Variants in FLT1 observed in about 807,000 individuals in gnomAD.
FLT1 encodes vascular endothelial growth factor receptor 1.
FLT1 carries 49 observed loss-of-function variants against 156.3 expected under a neutral mutation model. The ratio of observed to expected loss-of-function variants is 0.31; its 90% confidence interval spans 0.25 to 0.40. The LOEUF (loss-of-function observed/expected upper bound fraction) is 0.40, where lower values mean the gene tolerates loss of function less well. Among genes scored for constraint, FLT1 ranks in the 10% least tolerant of loss-of-function variants. The pLI is 1.00. For missense variants in FLT1, 1,322 were observed against 1,637.2 expected (o/e 0.81, Z 3.32); for synonymous variants, 594 against 583.8 (o/e 1.02, Z -0.25).
chr13:28,309,550 A>G (rs1429206528), intron 27 of FLT1, among the ~76,000 whole-genome samples: 1 of 152,146 alleles, frequency 6.6e-6, no homozygotes, highest in East Asian at 1.9e-4. Flanking sequence ...TGAATTTCTC[A>G]GTCCCATACT....
rs368770731 is a variant in FLT1 at position 28,345,478 on chromosome 13, G to A, written c.2322C>T (p.Leu774=). 10 of 1,612,528 alleles carry A rather than the reference G, an allele frequency of 6.2e-6. No homozygotes were observed. In the African/African-American group the frequency reaches 6.7e-5, roughly 11 times the overall value. ...CTCVAATLFW[L]LLTLFIRKMK... is the part of the protein sequence containing the mutation. ...TTTTTCGGATAAAGAGGGTTAATAG[G>A]AGCCAGAAGAGAGTCGCAGCCACAC... The change falls in exon 16 of 30, where the codon CTC becomes CTT. Residue 774 remains leucine, a synonymous_variant. Transcript: ENST00000282397.
At chr13:28,480,296 C>T (rs762522833) in intron 1 of FLT1, among the ~76,000 whole-genome samples, 6 of 151,946 alleles carry the variant, frequency 3.9e-5, no homozygotes, top group Non-Finnish European at 8.8e-5. Flanking sequence ...GAACGTATAC[C>T]GATAGAGATA....
intron 2 of FLT1, 83 bp downstream of exon 2, chr13:28,467,438 T>C (rs544172944): frequency 1.1e-6 from 1 of 915,830 alleles, no homozygotes; most frequent in African/African-American, 1.6e-5. Context: ...ATCACTGAGG[T>C]CCCTACCTTT....
intron 13 of FLT1, chr13:28,387,366 A>G: frequency 1.9e-6 from 2 of 1,049,928 alleles, no homozygotes; most frequent in Non-Finnish European, 2.3e-6. Context: ...CATTATAATA[A>G]TCTATTTTGA....
Position 28,494,775 on chromosome 13 carries a change from C to G in FLT1, c.64+5G>C. 6.4e-7 allele frequency: 1 copy of G among 1,561,010 alleles called. No homozygotes were observed. The highest frequency in any genetic ancestry group is 8.6e-7 in the Non-Finnish European group (1 of 1,158,498). On this transcript the variant is annotated splice_donor_5th_base_variant and intron_variant, in intron 1 of 29. Transcript: ENST00000282397. ...CTCAGGCCCCGGCCCCCAGCCGCGC[C>G]TCACCTGTGAGAAGCAGACAGCTGA... is the stretch of plus-strand genomic sequence containing the variant.
At chr13:28,308,694 G>C in intron 28 of FLT1, 149 bp downstream of exon 28, 1 of 699,250 alleles carries the variant, frequency 1.4e-6, no homozygotes. Context: ...AGGTCTAGTT[G>C]TCAGTCCTCC....
chr13:28,364,542 C>T (rs569454223), intron 14 of FLT1, among the ~76,000 whole-genome samples: 79 of 152,156 alleles, frequency 5.2e-4, no homozygotes, highest in African/African-American at 1.7e-3. Context: ...GATTCATTTA[C>T]TATTTTGTGT....
chr13:28,328,313 G>A (rs1043062285), intron 19 of FLT1: 10 of 152,280 alleles, frequency 6.6e-5, no homozygotes, highest in South Asian at 2.1e-4. Context: ...ACCCGACCCC[G>A]GTCTGAAGGA....
At chr13:28,461,299 T>C (rs1471590274) in intron 3 of FLT1, among the ~76,000 whole-genome samples, 2 of 152,228 alleles carry the variant, frequency 1.3e-5, no homozygotes, top group Admixed American at 6.5e-5. Context: ...GTATAATCTA[T>C]GTTCTTAACA....
intron 10 of FLT1, among the ~76,000 whole-genome samples, chr13:28,406,859 C>G (rs1875834395): frequency 1.3e-5 from 2 of 151,942 alleles, no homozygotes; most frequent in African/African-American, 4.8e-5. Flanking sequence ...GCAGGAATGA[C>G]TTATGTGAGA....
intron 10 of FLT1, among the ~76,000 whole-genome samples, chr13:28,410,691 T>C (rs1299535940): frequency 6.6e-6 from 1 of 152,246 alleles, no homozygotes; most frequent in Non-Finnish European, 1.5e-5. Context: ...GCTGCTACTA[T>C]GTGCTACTAA....
At chr13:28,399,173 G>T in intron 11 of FLT1, 2 of 1,309,382 alleles carry the variant, frequency 1.5e-6, no homozygotes, top group Middle Eastern at 3.7e-4. Flanking sequence ...CATTGTCTCA[G>T]GAAGCTTAGA....
intron 13 of FLT1, chr13:28,389,442 A>G: frequency 2.3e-6 from 3 of 1,295,154 alleles, no homozygotes; most frequent in Non-Finnish European, 2.9e-6. Context: ...TTTATCAGGC[A>G]GGAGAAAACA....
chr13:28,388,453 A>C (rs1874502964), intron 13 of FLT1: 3 of 1,020,376 alleles, frequency 2.9e-6, no homozygotes, highest in African/African-American at 3.6e-5. Flanking sequence ...TGGTCATTAT[A>C]GTTTTTTTTT....
intron 3 of FLT1, among the ~76,000 whole-genome samples, chr13:28,460,827 C>T (rs1879534008): frequency 6.6e-6 from 1 of 151,674 alleles, no homozygotes; most frequent in Admixed American, 6.6e-5. Context: ...CACACACACA[C>T]ACGCACGTAT....
intron 14 of FLT1, among the ~76,000 whole-genome samples, chr13:28,370,087 A>G (rs940233426): frequency 5.3e-5 from 8 of 152,046 alleles, no homozygotes; most frequent in Admixed American, 1.3e-4. Context: ...CTGTAGTTCC[A>G]GCTACTTGGG....
chr13:28,303,348 C>T lies in FLT1; in HGVS notation c.3836G>A (p.Ser1279Asn), dbSNP rs776931378. ...GACATCAGACAGCCCCGACTCCTTA[C>T]TTTTACTGGTTACTCTCAAGCTAAA... ...LKIDLRVTSK[S>N]KESGLSDVSR... The change falls in exon 30 of 30, where the codon AGT (serine) becomes AAT (asparagine). Residue 1279 changes from serine to asparagine, a missense_variant. This residue lies in a region of FLT1 where 329 missense variants were observed against 366.2 expected (regional missense o/e 0.90). Coordinates refer to ENST00000282397, the MANE Select transcript of FLT1 (RefSeq NM_002019.4). 6.2e-6 allele frequency: 10 copies of T among 1,613,944 alleles called. No homozygotes were observed. The highest frequency in any genetic ancestry group is 4.0e-5 in the African/African-American group (3 of 74,922).
In FLT1 at chr13:28,330,192, T is replaced by G. The variant is rs147079374; in HGVS notation, c.2594-464A>C. 1.6e-3 allele frequency among the ~76,000 whole-genome samples: 250 copies of G among 152,346 alleles called. 2 individuals are homozygous for G. Among genetic ancestry groups the G allele is most frequent in the African/African-American group, 5.9e-3 (245 of 41,576 alleles). On this transcript the variant is annotated intron_variant, in intron 18 of 29. Coordinates refer to ENST00000282397, the MANE Select transcript of FLT1 (RefSeq NM_002019.4). The stretch of plus-strand genomic sequence containing the variant: ...AGAATGGCTACTGTTGTAAACATCT[T>G]TGCAATGTGTTATTTTCTCCCTGTA...
chr13:28,349,504 G>A (rs1018099083), intron 15 of FLT1, among the ~76,000 whole-genome samples: 1 of 151,768 alleles, frequency 6.6e-6, no homozygotes, highest in African/African-American at 2.4e-5. Flanking sequence ...TCTTGCTTAT[G>A]CTGCAAATAA....
Sources: gnomAD v4.1 joint callset for allele counts (sites outside exome capture counted in the v4.1 genomes callset) on GRCh38, gnomAD v4.1.1 for gene constraint, gnomAD v4.1.1 regional missense constraint, MANE v1.5 for transcripts, NCBI Gene and HGNC (gene_info 2026-07-23, HGNC 2026-07-21) for gene names.